CNNM1: variants seen among roughly 807,000 people sequenced by gnomAD.
CNNM1 encodes the protein metal transporter CNNM1.
Under a neutral mutation model 78.8 loss-of-function variants are expected in CNNM1, and 44 were observed. That is an observed-to-expected ratio of 0.56 (90% CI 0.44 to 0.72). The LOEUF is 0.72. Among genes scored for constraint, CNNM1 ranks in the 30% least tolerant of loss-of-function variants. CNNM1 has a pLI of 0.00. For synonymous variants in CNNM1, 584 were observed against 581.5 expected, an observed-to-expected ratio of 1.00 and a Z score of -0.06; for missense variants, 1,101 against 1,292.2, an observed-to-expected ratio of 0.85 and a Z score of 2.27.
chr10:99,331,045 C>A, intron 1 of CNNM1, 85 bp downstream of exon 1: 1 of 1,345,228 alleles, frequency 7.4e-7, no homozygotes, highest in Non-Finnish European at 1.0e-6. Context: ...TCTAGGTACC[C>A]AAAGCAATTT....
intron 1 of CNNM1, among the ~76,000 whole-genome samples, chr10:99,333,306 A>C (rs10883329): frequency 0.15 from 22,219 of 152,146 alleles, 2,208 homozygotes; most frequent in African/African-American, 0.28. Context: ...GATGTTTTAA[A>C]TGAAACTCCT....
intron 7 of CNNM1, among the ~76,000 whole-genome samples, chr10:99,381,686 G>C (rs958109161): frequency 6.6e-6 from 1 of 151,168 alleles, no homozygotes; most frequent in Admixed American, 6.6e-5. Flanking sequence ...AGGTTGCGGT[G>C]AGCCGAGATC....
At chr10:99,357,876 T>C (rs1425550320) in intron 2 of CNNM1, among the ~76,000 whole-genome samples, 3 of 152,146 alleles carry the variant, frequency 2.0e-5, no homozygotes, top group African/African-American at 7.2e-5. Flanking sequence ...GGAGGGAACC[T>C]TCAGGAACTG....
At chr10:99,366,844 G>A (rs1037377398) in intron 6 of CNNM1, among the ~76,000 whole-genome samples, 4 of 152,064 alleles carry the variant, frequency 2.6e-5, no homozygotes, top group African/African-American at 7.2e-5. Context: ...CTTCCTTCCT[G>A]TTTCTAGTTC....
intron 1 of CNNM1, among the ~76,000 whole-genome samples, chr10:99,340,746 C>G (rs918381220): frequency 7.0e-6 from 1 of 142,956 alleles, no homozygotes; most frequent in East Asian, 2.3e-4. Context: ...CCCTCCCTCT[C>G]TCTTCTTTCT....
intron 9 of CNNM1, among the ~76,000 whole-genome samples, chr10:99,388,777 A>G (rs1321339091): frequency 3.3e-5 from 5 of 152,152 alleles, no homozygotes; most frequent in Non-Finnish European, 7.3e-5. Flanking sequence ...TATTAGGCCT[A>G]CCTTACAGAT....
At chr10:99,343,060 G>GT (rs1389669764) in intron 1 of CNNM1, among the ~76,000 whole-genome samples, 1 of 151,982 alleles carries the variant, frequency 6.6e-6, no homozygotes, top group Non-Finnish European at 1.5e-5. Flanking sequence ...CCACCTCCCG[G>GT]TTTCAAGCAA....
At chr10:99,344,565 T>C (rs2030602132) in intron 1 of CNNM1, among the ~76,000 whole-genome samples, 1 of 151,368 alleles carries the variant, frequency 6.6e-6, no homozygotes, top group Non-Finnish European at 1.5e-5. Flanking sequence ...AATTGAAAGC[T>C]GTTTACTTTG....
intron 1 of CNNM1, among the ~76,000 whole-genome samples, chr10:99,337,144 T>G (rs1765948735): frequency 6.6e-6 from 1 of 152,242 alleles, no homozygotes; most frequent in African/African-American, 2.4e-5. Flanking sequence ...TAGCTATGAT[T>G]ATTAAATATA....
rs554700872 is a variant in CNNM1, at chr10:99,376,623, G to A, written c.2177-432G>A. ...AAATACCTCACCATGGTAGAGGGGC[G>A]CATGGTCTAGGGTAGCAAGCCATGC... On this transcript the variant is annotated intron_variant, in intron 6 of 10. Transcript: ENST00000356713. Among the ~76,000 whole-genome samples, 5 of 152,318 alleles carry A rather than the reference G, an allele frequency of 3.3e-5. No homozygotes were observed. The East Asian group carries it at 5.8e-4, about 18-fold the overall frequency.
chr10:99,330,013 C>G lies in CNNM1; in HGVS notation c.626C>G (p.Pro209Arg). 1.4e-6 allele frequency: 2 copies of G among 1,418,678 alleles called. No individual in the cohort carries two copies. Among genetic ancestry groups the G allele is most frequent in the Non-Finnish European group, 9.1e-7 (1 of 1,099,240 alleles). The allele number at this position is 1,418,678 out of a possible 1,614,324, so 87.9% of individuals were successfully genotyped here. Residue 209 changes from proline (P) to arginine (R), a missense_variant, in exon 1 of 11, where the codon CCG becomes CGG. Transcript: ENST00000356713. ...AAGGFLLRVRPRLYGPGGDLL... is the reference protein window; with the variant it reads ...AAGGFLLRVRRRLYGPGGDLL... The stretch of plus-strand genomic sequence containing the variant: ...GGCGGCTTCCTGCTGCGCGTTCGCC[C>G]GCGGTTGTACGGCCCAGGCGGGGAC...
At chr10:99,389,041 C>G (rs1042594655) in intron 9 of CNNM1, among the ~76,000 whole-genome samples, 1 of 152,192 alleles carries the variant, frequency 6.6e-6, no homozygotes, top group Non-Finnish European at 1.5e-5. Flanking sequence ...GCAGTTCCCC[C>G]ACCCGACCTG....
intron 10 of CNNM1, 24 bp downstream of exon 10, chr10:99,390,431 A>G (rs747742273): frequency 1.7e-5 from 26 of 1,528,602 alleles, no homozygotes; most frequent in Non-Finnish European, 2.3e-5. Context: ...TCTTCACCCA[A>G]ATGAGAGCCA....
chr10:99,386,122 A>G (rs1045943954), intron 7 of CNNM1, among the ~76,000 whole-genome samples: 5 of 152,248 alleles, frequency 3.3e-5, no homozygotes, highest in Admixed American at 2.0e-4. Context: ...GTTCCATGCC[A>G]TAAAGCATGG....
chr10:99,372,235 C>T (rs1295732463), intron 6 of CNNM1, among the ~76,000 whole-genome samples: 3 of 152,178 alleles, frequency 2.0e-5, no homozygotes, highest in Non-Finnish European at 4.4e-5. Flanking sequence ...CCAATTTTAC[C>T]CTAGTGCCTT....
At position 99,364,935 on chromosome 10, in the gene CNNM1, C is replaced by T. The variant is rs1232977779; in HGVS notation, c.2129-20C>T. ...TTTTCTGAGTTGCCTCTGAAACCCACTGCATGCTTCTGTCCTTAGATAATG... is the reference window on the plus strand; with the variant it reads ...TTTTCTGAGTTGCCTCTGAAACCCATTGCATGCTTCTGTCCTTAGATAATG... On this transcript the variant is annotated intron_variant, in intron 5 of 10. Coordinates refer to ENST00000356713, the MANE Select transcript of CNNM1 (RefSeq NM_020348.3). 6.2e-7 allele frequency: 1 copy of T among 1,611,264 alleles called. No homozygotes were observed. The highest frequency in any genetic ancestry group is 8.5e-7 in the Non-Finnish European group (1 of 1,177,828).
Position 99,329,416 on chromosome 10 carries a change from C to A in CNNM1, c.29C>A (p.Ala10Glu). Residue 10 changes from alanine to glutamate, a missense_variant, in exon 1 of 11, where the codon GCG (alanine) becomes GAG (glutamate). Ala to Glu is a moderately radical substitution (Grantham distance 107, BLOSUM62 -1). Transcript: ENST00000356713. ...GCGGCGGCCGCGGCGGCGGCAGCAG[C>A]GGTGGGTGTCAGGCTCCGGGACTGC... Reference protein sequence around the residue: MAAAAAAAAAVGVRLRDCCS... With the variant: MAAAAAAAAEVGVRLRDCCS... The A allele has an allele frequency of 1.0e-6, 1 of 956,678 alleles. No individual in the cohort carries two copies. Among genetic ancestry groups the A allele is most frequent in the South Asian group, 1.8e-5 (1 of 56,006 alleles). 59.3% of individuals were successfully genotyped at this position (956,678 alleles called of 1,614,324 possible). A position where few individuals can be genotyped will look rare whatever the true frequency, so the allele number is the denominator to read the frequency against.
intron 1 of CNNM1, among the ~76,000 whole-genome samples, chr10:99,351,517 T>C (rs1458864597): frequency 2.0e-5 from 3 of 152,144 alleles, no homozygotes; most frequent in Non-Finnish European, 4.4e-5. Flanking sequence ...ACTGCCCCAG[T>C]TGGACCCAGT....
intron 5 of CNNM1, 74 bp from the exon 6 acceptor site, chr10:99,364,881 G>A: frequency 7.1e-7 from 1 of 1,415,856 alleles, no homozygotes; most frequent in South Asian, 1.3e-5. Flanking sequence ...GGGGTGGATA[G>A]AAGAGGGAAG....
Sources: allele counts gnomAD v4.1 joint callset (sites outside exome capture counted in the v4.1 genomes callset), GRCh38; gene constraint gnomAD v4.1.1; transcripts MANE v1.5; gene names NCBI Gene and HGNC (gene_info 2026-07-23, HGNC 2026-07-21).